ATP2C1: variants seen among roughly 807,000 people sequenced by gnomAD.
The protein encoded by ATP2C1 is calcium-transporting ATPase type 2C member 1.
A neutral mutation model predicts 120.5 loss-of-function variants in ATP2C1; 31 were observed. The ratio of observed to expected loss-of-function variants is 0.26; its 90% CI spans 0.19 to 0.35. The LOEUF (loss-of-function observed/expected upper bound fraction) is 0.35, where lower values mean the gene tolerates loss of function less well. ATP2C1 is among the 10% of genes least tolerant of loss of function. ATP2C1 has a pLI of 1.00. For synonymous variants in ATP2C1, 351 were observed against 358.7 expected, an observed-to-expected ratio of 0.98 and a Z score of 0.24; for missense variants, 731 against 1,107.5, an observed-to-expected ratio of 0.66 and a Z score of 4.83.
chr3:130,985,674 A>G (rs1211307412), intron 20 of ATP2C1, among the ~76,000 whole-genome samples: 7 of 151,022 alleles, frequency 4.6e-5, no homozygotes, highest in African/African-American at 1.5e-4. Context: ...AAAAAACCAA[A>G]TTAACAACAA....
At chr3:130,964,143 G>A in intron 13 of ATP2C1, 48 bp downstream of exon 13, 1 of 1,605,286 alleles carries the variant, frequency 6.2e-7, no homozygotes, top group Non-Finnish European at 8.5e-7. Flanking sequence ...GTAAGTTTAT[G>A]TCAATAGTGA....
rs564968565 is a variant in ATP2C1 at position 130,883,898 on chromosome 3, ATTTC to A, written c.108+32977_108+32980del. On this transcript the variant is annotated intron_variant, in intron 1 of 26. Transcript: ENST00000504381. Reference sequence around the variant, plus strand: ...AGCATTTGTTTCAAGAAATTTTTCAATTTCTTTCTTAATTTCTTTTCTTTCTTTC... The same window carrying A: ...AGCATTTGTTTCAAGAAATTTTTCAATTTCTTAATTTCTTTTCTTTCTTTC... Among the ~76,000 whole-genome samples, 11 of 143,576 alleles carry A rather than the reference ATTTC, an allele frequency of 7.7e-5. No individual in the cohort carries two copies. In the East Asian group the frequency reaches 2.3e-3, roughly 30 times the overall value. 94.2% of individuals were successfully genotyped at this position (143,576 alleles called of 152,430 possible). A position where few individuals can be genotyped will look rare whatever the true frequency, so the allele number is the denominator to read the frequency against.
downstream of ATP2C1, among the ~76,000 whole-genome samples, chr3:131,005,109 CTTTTTTTTTTTT>C (rs35129703): frequency 6.5e-5 from 6 of 92,626 alleles, no homozygotes; most frequent in Admixed American, 3.6e-4. Context: ...TTTGAATTGT[CTTTTTTTTTTTT>C]TTTTTTTTTT....
At chr3:130,977,237 C>T (rs2061563828) in intron 18 of ATP2C1, among the ~76,000 whole-genome samples, 1 of 152,178 alleles carries the variant, frequency 6.6e-6, no homozygotes, top group Non-Finnish European at 1.5e-5. Flanking sequence ...GGGCCTGTTA[C>T]TCCCCTGATT....
intron 1 of ATP2C1, among the ~76,000 whole-genome samples, chr3:130,867,420 C>T (rs2068218982): frequency 1.3e-5 from 2 of 151,250 alleles, no homozygotes; most frequent in South Asian, 4.2e-4. Context: ...CCTGATTCTC[C>T]TGCCTCAGCC....
rs1324191575 is a variant in ATP2C1, at chr3:131,008,423, C to G, written c.2630-7729C>G. On this transcript the variant is annotated intron_variant, in intron 26 of 26. Transcript: ENST00000328560. ...CCTGGGCAACAGAACAAGACTGTCTCAAAAAAAAAAAAAAAAAGGAAAGAA... is the reference window on the plus strand; with the variant it reads ...CCTGGGCAACAGAACAAGACTGTCTGAAAAAAAAAAAAAAAAAGGAAAGAA... 4.6e-5 allele frequency among the ~76,000 whole-genome samples: 4 copies of G among 86,980 alleles called. No individual in the cohort carries two copies. The South Asian group carries it at 1.4e-3, about 31-fold the overall frequency. 57.1% of individuals were successfully genotyped at this position (86,980 alleles called of 152,430 possible).
intron 9 of ATP2C1, 138 bp from the exon 10 acceptor site, chr3:130,954,874 C>G (rs2060511801): frequency 1.5e-6 from 1 of 684,124 alleles, no homozygotes; most frequent in Non-Finnish European, 2.7e-6. Context: ...AGTAAATTTG[C>G]TGAGGAAATC....
chr3:130,958,088 T>C (rs1023961125), intron 11 of ATP2C1, among the ~76,000 whole-genome samples: 9 of 152,222 alleles, frequency 5.9e-5, no homozygotes, highest in Non-Finnish European at 1.2e-4. Flanking sequence ...TTGTAGTTTC[T>C]ATTAGCACTA....
chr3:130,920,629 G>A (rs994968707), intron 2 of ATP2C1, among the ~76,000 whole-genome samples: 5 of 151,986 alleles, frequency 3.3e-5, no homozygotes, highest in Non-Finnish European at 7.4e-5. Flanking sequence ...CTCCAGCTTT[G>A]TTCTTTTACA....
At chr3:130,918,636 T>G in intron 2 of ATP2C1, 1 of 631,984 alleles carries the variant, frequency 1.6e-6, no homozygotes, top group Admixed American at 2.1e-5. Context: ...GCAGTAAATC[T>G]CTTAATCATG....
chr3:131,016,458 T>C (rs1027588048), exon 27 of ATP2C1: 1 of 1,160,102 alleles, frequency 8.6e-7, no homozygotes, highest in Non-Finnish European at 1.2e-6. Context: ...AACTAAGATG[T>C]TTTTCTCTTC....
intron 8 of ATP2C1, among the ~76,000 whole-genome samples, chr3:130,946,942 T>C (rs930674985): frequency 1.3e-5 from 2 of 152,338 alleles, no homozygotes; most frequent in Middle Eastern, 3.4e-3. Flanking sequence ...CTTCAGGGCT[T>C]AGAAGTGAAA....
chr3:130,881,022 TG>T (rs1286211529), intron 1 of ATP2C1, among the ~76,000 whole-genome samples: 2 of 152,184 alleles, frequency 1.3e-5, no homozygotes, highest in East Asian at 3.8e-4. Flanking sequence ...AACTTTTAAG[TG>T]CAAAATGTAC....
intron 1 of ATP2C1, among the ~76,000 whole-genome samples, chr3:130,885,075 A>G (rs1378862813): frequency 6.6e-6 from 1 of 151,632 alleles, no homozygotes; most frequent in Non-Finnish European, 1.5e-5. Flanking sequence ...CTGGGATTAC[A>G]GGCACCTGCG....
chr3:131,005,298 G>A (rs568118163), downstream of ATP2C1, among the ~76,000 whole-genome samples: 7 of 151,444 alleles, frequency 4.6e-5, no homozygotes, highest in East Asian at 1.9e-4. Flanking sequence ...TTGTATTTTC[G>A]GTAGAGGCAG....
intron 5 of ATP2C1, among the ~76,000 whole-genome samples, chr3:130,936,997 AAC>A (rs1198864217): frequency 2.0e-5 from 3 of 149,152 alleles, no homozygotes; most frequent in Non-Finnish European, 3.0e-5. Context: ...AAAAATTTAA[AAC>A]ACTGCTATTT....
chr3:130,974,840 C>T (rs557723320), intron 17 of ATP2C1, among the ~76,000 whole-genome samples: 57 of 152,022 alleles, frequency 3.7e-4, no homozygotes, highest in African/African-American at 1.3e-3. Context: ...TGGTGAGAAG[C>T]GTTGAACAGG....
At chr3:130,948,447 G>A (rs532623091) in intron 8 of ATP2C1, among the ~76,000 whole-genome samples, 1 of 152,064 alleles carries the variant, frequency 6.6e-6, no homozygotes, top group East Asian at 1.9e-4. Context: ...GTGATAAGTT[G>A]TTTCTGTGGC....
intron 1 of ATP2C1, among the ~76,000 whole-genome samples, chr3:130,872,760 T>C (rs2107780540): frequency 6.6e-6 from 1 of 152,208 alleles, no homozygotes; most frequent in East Asian, 1.9e-4. Flanking sequence ...AATTTTTGTA[T>C]ATTTAGTAGA....
Sources: gnomAD v4.1 joint callset for allele counts (sites outside exome capture counted in the v4.1 genomes callset) on GRCh38, gnomAD v4.1.1 for gene constraint, MANE v1.5 for transcripts, NCBI Gene and HGNC (gene_info 2026-07-23, HGNC 2026-07-21) for gene names.